The following SGCD variants were observed in gnomAD, a reference collection of about 807,000 sequenced individuals.
The protein encoded by SGCD is delta-sarcoglycan.
Under a neutral mutation model 36.6 loss-of-function variants are expected in SGCD, and 18 were observed. That is an observed-to-expected ratio of 0.49 (90% CI 0.34 to 0.73). SGCD has a LOEUF of 0.73. SGCD is among the 30% of genes least tolerant of loss of function. The pLI is 0.01. For missense variants in SGCD, 387 were observed against 346.7 expected, an observed-to-expected ratio of 1.12 and a Z score of -0.92; for synonymous variants, 133 against 130.6, an observed-to-expected ratio of 1.02 and a Z score of -0.12.
rs138342259 is a variant in SGCD, at chr5:156,338,659, T to C, written c.4-5830T>C. Among the ~76,000 whole-genome samples, 24 of 152,234 alleles carry C rather than the reference T, an allele frequency of 1.6e-4. No individual in the cohort carries two copies. In the East Asian group the frequency reaches 4.4e-3, roughly 28 times the overall value. On this transcript the variant is annotated intron_variant, in intron 2 of 8. Coordinates refer to ENST00000337851, the MANE Select transcript of SGCD (RefSeq NM_000337.6). ...GGACAATGGCTAGGTCCAGGTATCA[T>C]GTAGGTTGGGCCTGGTTCAAAGATC...
the SGCD span, among the ~76,000 whole-genome samples, chr5:155,788,210 A>T: frequency 6.6e-6 from 1 of 152,196 alleles, no homozygotes; most frequent in African/African-American, 2.4e-5. Flanking sequence ...CATGGTTTTT[A>T]ATAACCTTCT....
chr5:156,301,793 G>GT (rs377253200), intron 3 of SGCD, among the ~76,000 whole-genome samples: 5,673 of 142,858 alleles, frequency 0.04, 275 homozygotes, highest in African/African-American at 0.12. Flanking sequence ...TAGGATAAAA[G>GT]TTTTTTTTTT....
At chr5:155,802,735 G>T in the SGCD span, among the ~76,000 whole-genome samples, 1 of 152,176 alleles carries the variant, frequency 6.6e-6, no homozygotes, top group African/African-American at 2.4e-5. Context: ...GCAATGAATT[G>T]CATTGGATAT....
rs907842517 is a variant in SGCD at position 156,174,233 on chromosome 5, A to G, written c.-44+50214A>G. Among the ~76,000 whole-genome samples the G allele has an allele frequency of 2.0e-5, 3 of 152,220 alleles. No homozygotes were observed. The South Asian group carries it at 6.2e-4, about 32-fold the overall frequency. On this transcript the variant is annotated intron_variant, in intron 3 of 9. Transcript: ENST00000517913. ...TTGCAGATGAAGATAAGAACTATAA[A>G]ATAAATTGAAGTCGGTAGAGGGGAG...
chr5:155,736,945 G>C, the SGCD span, among the ~76,000 whole-genome samples: 1 of 152,138 alleles, frequency 6.6e-6, no homozygotes, highest in South Asian at 2.1e-4. Context: ...CAATGTAGAA[G>C]GGCAGGAGGA....
chr5:155,994,437 T>C (rs1190817068), intron 1 of SGCD, among the ~76,000 whole-genome samples: 3 of 152,194 alleles, frequency 2.0e-5, no homozygotes, highest in African/African-American at 7.2e-5. Context: ...GGACTTGGAC[T>C]TGGAAAGATG....
chr5:155,902,501 A>G (rs1451723287), intron 1 of SGCD, among the ~76,000 whole-genome samples: 1 of 151,974 alleles, frequency 6.6e-6, no homozygotes, highest in Admixed American at 6.6e-5. Context: ...ACTTTTTTTT[A>G]TCAGGGTCAT....
At chr5:156,502,069 C>A (rs181060760) in intron 3 of SGCD, among the ~76,000 whole-genome samples, 3 of 145,570 alleles carry the variant, frequency 2.1e-5, no homozygotes, top group Admixed American at 6.9e-5. Context: ...GTTTTTGGGA[C>A]GGAGTCTTGC....
At chr5:156,209,577 C>A (rs1177223947) in intron 3 of SGCD, among the ~76,000 whole-genome samples, 1 of 152,200 alleles carries the variant, frequency 6.6e-6, no homozygotes, top group Non-Finnish European at 1.5e-5. Flanking sequence ...GTTCCAGTGG[C>A]CTCAAGGACA....
At position 155,878,222 on chromosome 5, in the gene SGCD, A is replaced by G. The variant is rs1232390507; in HGVS notation, c.-282+7798A>G. 2.0e-5 allele frequency among the ~76,000 whole-genome samples: 3 copies of G among 152,142 alleles called. No individual in the cohort carries two copies. In the East Asian group the frequency reaches 5.8e-4, roughly 29 times the overall value. On this transcript the variant is annotated intron_variant, in intron 1 of 9. Coordinates refer to the SGCD transcript ENST00000517913. ...AGGAATATCTATTATCTCATCCTAT[A>G]ATAAGTTTAGAGTTAGGTTCCAAAG...
At chr5:155,789,908 T>C in the SGCD span, among the ~76,000 whole-genome samples, 5 of 152,080 alleles carry the variant, frequency 3.3e-5, no homozygotes, top group Non-Finnish European at 7.4e-5. Flanking sequence ...TTGTTCTGTA[T>C]CCCAGTGTAT....
chr5:155,840,490 C>T, the SGCD span, among the ~76,000 whole-genome samples: 1 of 149,882 alleles, frequency 6.7e-6, no homozygotes, highest in South Asian at 2.1e-4. Flanking sequence ...GGGGTTTCAC[C>T]GTGTTAGCCA....
chr5:156,360,231 C>A (rs1769711099), intron 3 of SGCD, among the ~76,000 whole-genome samples: 2 of 148,478 alleles, frequency 1.3e-5, no homozygotes, highest in South Asian at 4.3e-4. Context: ...TTTACATATA[C>A]CTACCCTTTC....
intron 1 of SGCD, among the ~76,000 whole-genome samples, chr5:156,009,074 C>T (rs1277832949): frequency 3.9e-5 from 6 of 152,110 alleles, no homozygotes; most frequent in Admixed American, 3.9e-4. Flanking sequence ...GTGACTGGAG[C>T]GAAGGAGGGG....
the SGCD span, among the ~76,000 whole-genome samples, chr5:155,730,992 A>T: frequency 6.6e-6 from 1 of 152,146 alleles, no homozygotes; most frequent in African/African-American, 2.4e-5. Flanking sequence ...TGGAGCCTTG[A>T]CGTTTGAAAG....
At chr5:156,335,652 C>T (rs1379209943) in intron 2 of SGCD, among the ~76,000 whole-genome samples, 2 of 152,180 alleles carry the variant, frequency 1.3e-5, no homozygotes, top group Admixed American at 1.3e-4. Context: ...CCTGCACACT[C>T]CATCCCCCTC....
At chr5:156,441,387 C>T (rs1379950729) in intron 3 of SGCD, among the ~76,000 whole-genome samples, 1 of 152,044 alleles carries the variant, frequency 6.6e-6, no homozygotes, top group African/African-American at 2.4e-5. Context: ...TAATACTCTC[C>T]TTCATGGGGA....
At chr5:156,428,242 C>G (rs201060932) in intron 3 of SGCD, among the ~76,000 whole-genome samples, 1 of 152,056 alleles carries the variant, frequency 6.6e-6, no homozygotes, top group East Asian at 1.9e-4. Flanking sequence ...TTAAGGGTAT[C>G]TAATTCTTCC....
chr5:156,362,691 G>A (rs1349062026), intron 3 of SGCD, among the ~76,000 whole-genome samples: 3 of 152,082 alleles, frequency 2.0e-5, no homozygotes, highest in Admixed American at 2.0e-4. Flanking sequence ...TGTGACTACT[G>A]TGAACCTCGT....
Sources: gnomAD v4.1 joint callset for allele counts (sites outside exome capture counted in the v4.1 genomes callset) on GRCh38, gnomAD v4.1.1 for gene constraint, MANE v1.5 for transcripts, NCBI Gene and HGNC (gene_info 2026-07-23, HGNC 2026-07-21) for gene names.